Variants in TRIM48 observed in about 807,000 individuals in gnomAD.
TRIM48 encodes tripartite motif containing 48, also known as E3 ubiquitin-protein ligase TRIM48.
Under a neutral mutation model 29.5 loss-of-function variants are expected in TRIM48, and 31 were observed. The observed-to-expected ratio is 1.05, with a 90% confidence interval of 0.79 to 1.42. The LOEUF (loss-of-function observed/expected upper bound fraction) is 1.42, where lower values mean the gene tolerates loss of function less well. TRIM48 is among the 40% of genes most tolerant of loss of function. The pLI, the probability that TRIM48 is intolerant of heterozygous loss-of-function variation, is 0.00. For synonymous variants in TRIM48, 128 were observed against 90.6 expected (o/e 1.41, Z -2.34); for missense variants, 344 against 265.0 (o/e 1.30, Z -2.07).
In TRIM48 at chr11:55,266,827, G is replaced by A. The variant is rs1226991877; in HGVS notation, c.555+1132G>A. Among the ~76,000 whole-genome samples, 2 of 147,448 alleles carry A rather than the reference G, an allele frequency of 1.4e-5. 1 individual carries two copies. The highest frequency in any genetic ancestry group is 5.0e-5 in the African/African-American group (2 of 40,284). Reference sequence around the variant, plus strand: ...CAGCATATGCAGTAATTTTGAGTTTGTGTATATTTGGAGGCCTGGGGAACC... The same window carrying A: ...CAGCATATGCAGTAATTTTGAGTTTATGTATATTTGGAGGCCTGGGGAACC... On this transcript the variant is annotated intron_variant, in intron 3 of 5. Coordinates refer to ENST00000417545, the MANE Select transcript of TRIM48 (RefSeq NM_024114.5).
In TRIM48 at chr11:55,269,329, C is replaced by G. The variant is rs148097625; in HGVS notation, c.666C>G (p.Asn222Lys). 5.7e-6 allele frequency: 9 copies of G among 1,575,022 alleles called. No individual in the cohort carries two copies. Among genetic ancestry groups the G allele is most frequent in the Middle Eastern group, 2.3e-4 (1 of 4,360 alleles). ...GPITGLRDRL[N>K]QF ...TCACTGGACTGAGGGACAGGCTCAA[C>G]CAATTCTGAGGTAAGTCTCCACCCA... The change falls in exon 5 of 6, where the codon AAC becomes AAG. Residue 222 changes from asparagine to lysine, a missense_variant. By Grantham distance (94) the Asn-to-Lys change is moderately conservative. Coordinates refer to ENST00000417545, the MANE Select transcript of TRIM48 (RefSeq NM_024114.5).
At chr11:55,262,859 T>C (rs1857325476) in intron 1 of TRIM48, among the ~76,000 whole-genome samples, 1 of 152,134 alleles carries the variant, frequency 6.6e-6, no homozygotes, top group Non-Finnish European at 1.5e-5. Context: ...GCCATCTCAC[T>C]TGAGTTTTAA....
chr11:55,266,602 G>A lies in TRIM48; in HGVS notation c.555+907G>A, dbSNP rs1857396633. 1.4e-5 allele frequency among the ~76,000 whole-genome samples: 2 copies of A among 147,602 alleles called. 1 individual carries two copies. Among genetic ancestry groups the A allele is most frequent in the East Asian group, 4.3e-4 (2 of 4,598 alleles). On this transcript the variant is annotated intron_variant, in intron 3 of 5. Transcript: ENST00000417545. ...AATAATCAAGCAGGGAAGTAGAAAAGGACAATAGAGGCCAGAAACTGGAGA... is the reference window on the plus strand; with the variant it reads ...AATAATCAAGCAGGGAAGTAGAAAAAGACAATAGAGGCCAGAAACTGGAGA...
At chr11:55,265,852 T>G (rs1447541572) in intron 3 of TRIM48, among the ~76,000 whole-genome samples, 157 bp downstream of exon 3, 1 of 145,946 alleles carries the variant, frequency 6.9e-6, no homozygotes, top group Non-Finnish European at 1.5e-5. Context: ...TCATTTCTTA[T>G]GTAGAATAGT....
rs570531106 is a variant in TRIM48 at position 55,269,935 on chromosome 11, C to T, written c.*2-502C>T. 2.0e-5 allele frequency among the ~76,000 whole-genome samples: 3 copies of T among 147,672 alleles called. No individual in the cohort carries two copies. In the South Asian group the frequency reaches 7.3e-4, roughly 36 times the overall value. ...TTCAGCCCCAAGCTAACATGGAGGG[C>T]CACAGAGAGACTGGTAAAAGATTTT... On this transcript the variant is annotated intron_variant, in intron 5 of 5. Coordinates refer to ENST00000417545, the MANE Select transcript of TRIM48 (RefSeq NM_024114.5).
At position 55,266,367 on chromosome 11, in the gene TRIM48, G is replaced by A. The variant is rs1235186693; in HGVS notation, c.555+672G>A. Among the ~76,000 whole-genome samples the A allele has an allele frequency of 1.4e-5, 2 of 146,926 alleles. 1 individual carries two copies. Among genetic ancestry groups the A allele is most frequent in the Non-Finnish European group, 3.0e-5 (2 of 66,752 alleles). On this transcript the variant is annotated intron_variant, in intron 3 of 5. Coordinates refer to ENST00000417545, the MANE Select transcript of TRIM48 (RefSeq NM_024114.5). Reference sequence around the variant, plus strand: ...CCTCTTTGTGGATGTATACTCTGAGGGTATGATAGCTAATATTAGTGTGTT... The same window carrying A: ...CCTCTTTGTGGATGTATACTCTGAGAGTATGATAGCTAATATTAGTGTGTT...
chr11:55,263,591 G>A (rs1402391476), intron 1 of TRIM48, among the ~76,000 whole-genome samples: 2 of 152,140 alleles, frequency 1.3e-5, no homozygotes, highest in South Asian at 2.1e-4. Context: ...TGACCCAGGA[G>A]GTGGAGGTTG....
rs760624238 is a variant in TRIM48, at chr11:55,265,141, G to T, written c.286G>T (p.Ala96Ser). The change falls in exon 2 of 6, where the codon GCC becomes TCC. Residue 96 changes from alanine to serine, a missense_variant. Ala to Ser is a moderately conservative substitution (Grantham distance 99). Coordinates refer to ENST00000417545, the MANE Select transcript of TRIM48 (RefSeq NM_024114.5). ...GAAGATGGCTTCCCTTGCCAGAAAA[G>T]CCAGTCTCTGGCTATTCCTGAGCTC... is the stretch of plus-strand genomic sequence containing the variant. ...LKKMASLARK[A>S]SLWLFLSSEE... is the part of the protein sequence containing the mutation. The T allele has an allele frequency of 5.1e-6, 8 of 1,582,776 alleles. 1 individual carries two copies. The highest frequency in any genetic ancestry group is 6.9e-6 in the Non-Finnish European group (8 of 1,166,190).
At chr11:55,269,876 T>C (rs1565079668) in intron 5 of TRIM48, among the ~76,000 whole-genome samples, 5 of 147,950 alleles carry the variant, frequency 3.4e-5, no homozygotes, top group Admixed American at 6.9e-5. Flanking sequence ...TTAATTGCAA[T>C]ATGAAAAGCT....
At chr11:55,263,860 AG>A (rs1346170625) in intron 1 of TRIM48, among the ~76,000 whole-genome samples, 1 of 152,176 alleles carries the variant, frequency 6.6e-6, no homozygotes, top group Non-Finnish European at 1.5e-5. Flanking sequence ...CAAGGCTGAA[AG>A]CCTCAGAACC....
At chr11:55,266,991 T>A (rs1283708220) in intron 3 of TRIM48, among the ~76,000 whole-genome samples, 1 of 147,820 alleles carries the variant, frequency 6.8e-6, no homozygotes, top group African/African-American at 2.5e-5. Context: ...TAGCTGGACA[T>A]GTTAGTCTAA....
Position 55,269,230 on chromosome 11 carries a change from T to G in TRIM48, c.579-12T>G, listed in dbSNP as rs543723409. The G allele has an allele frequency of 6.4e-7, 1 of 1,572,190 alleles. No individual in the cohort carries two copies. The highest frequency in any genetic ancestry group is 1.2e-5 in the South Asian group (1 of 83,580). ...GGCTGTAGATGTTGTAACTGCAGGTTTTTCCTTGCAGGAGTGAGTCCGTGC... is the reference window on the plus strand; with the variant it reads ...GGCTGTAGATGTTGTAACTGCAGGTGTTTCCTTGCAGGAGTGAGTCCGTGC... On this transcript the variant is annotated splice_polypyrimidine_tract_variant and intron_variant, in intron 4 of 5. Coordinates refer to ENST00000417545, the MANE Select transcript of TRIM48 (RefSeq NM_024114.5).
chr11:55,269,401 T>C, intron 5 of TRIM48, 62 bp downstream of exon 5: 1 of 1,529,904 alleles, frequency 6.5e-7, no homozygotes, highest in African/African-American at 1.4e-5. Context: ...TAGGATCACA[T>C]AGGTAATATT....
rs184175151 is a variant in TRIM48 at position 55,265,389 on chromosome 11, G to A, written c.459+75G>A. The A allele has an allele frequency of 3.6e-5, 57 of 1,566,118 alleles. 8 individuals are homozygous for A. The South Asian group carries it at 6.4e-4, about 18-fold the overall frequency. The stretch of plus-strand genomic sequence containing the variant: ...CTGTGGCCCTATTTTCTTGGAGATT[G>A]GGTAAAGCCAACTCTGAGTCCCTTT... On this transcript the variant is annotated intron_variant, in intron 2 of 5. Transcript: ENST00000417545.
Position 55,266,970 on chromosome 11 carries a change from C to T in TRIM48, c.555+1275C>T, listed in dbSNP as rs146812057. 6.8e-3 allele frequency among the ~76,000 whole-genome samples: 1,009 copies of T among 147,384 alleles called. 82 individuals carry two copies. The highest frequency in any genetic ancestry group is 0.022 in the African/African-American group (889 of 40,388). On this transcript the variant is annotated intron_variant, in intron 3 of 5. Transcript: ENST00000417545. ...CTTTATTAGGATAGGTTTTGCTGGG[C>T]GAAATGCATTTAGCTGGACATGTTA...
chr11:55,265,447 A>G lies in TRIM48; in HGVS notation c.459+133A>G, dbSNP rs1474547881. 2.0e-5 allele frequency: 30 copies of G among 1,493,294 alleles called. 3 individuals carry two copies. The highest frequency in any genetic ancestry group is 8.2e-5 in the Admixed American group (4 of 48,732). 92.5% of individuals were successfully genotyped at this position (1,493,294 alleles called of 1,614,324 possible). On this transcript the variant is annotated intron_variant, in intron 2 of 5. Coordinates refer to ENST00000417545, the MANE Select transcript of TRIM48 (RefSeq NM_024114.5). Reference sequence around the variant, plus strand: ...TCTCTTTTGGGCTTTCTTAGCTTCAAACCTCTGAGATTTGACGAGGAAGAA... The same window carrying G: ...TCTCTTTTGGGCTTTCTTAGCTTCAGACCTCTGAGATTTGACGAGGAAGAA...
chr11:55,263,021 ATAGTTTATATAT>A (rs1031494735), intron 1 of TRIM48, among the ~76,000 whole-genome samples: 4 of 152,158 alleles, frequency 2.6e-5, no homozygotes. Context: ...GCCAAAGACC[ATAGTTTATATAT>A]TAGTCAGGGC....
rs1271298634 is a variant in TRIM48 at position 55,271,044 on chromosome 11, C to A, written c.*609C>A. 1.5e-6 allele frequency: 2 copies of A among 1,363,494 alleles called. No individual in the cohort carries two copies. The highest frequency in any genetic ancestry group is 2.0e-6 in the Non-Finnish European group (2 of 1,005,492). 84.5% of individuals were successfully genotyped at this position (1,363,494 alleles called of 1,614,324 possible). On this transcript the variant is annotated 3_prime_UTR_variant, in exon 6 of 6. Transcript: ENST00000417545. ...AGGACAAATAGGTTCGGTTTTATGT[C>A]TTGAATTGCATTCTAATGTTATTAA...
Position 55,265,009 on chromosome 11 carries a change from A to C in TRIM48, c.154A>C (p.Arg52=). The change falls in exon 2 of 6, where the codon AGG becomes CGG. Residue 52 remains arginine (R), a synonymous_variant. Transcript: ENST00000417545. ...VTIDCGHSFC[R]PCFYLNWQDI... ...CATAGACTGTGGGCACAGCTTTTGCAGGCCCTGTTTCTACCTCAACTGGCA... is the reference window on the plus strand; with the variant it reads ...CATAGACTGTGGGCACAGCTTTTGCCGGCCCTGTTTCTACCTCAACTGGCA... 1 of 1,584,736 alleles carries C rather than the reference A, an allele frequency of 6.3e-7. No homozygotes were observed. The highest frequency in any genetic ancestry group is 8.6e-7 in the Non-Finnish European group (1 of 1,166,458).
Sources: allele counts gnomAD v4.1 joint callset (sites outside exome capture counted in the v4.1 genomes callset), GRCh38; gene constraint gnomAD v4.1.1; transcripts MANE v1.5; gene names NCBI Gene and HGNC (gene_info 2026-07-23, HGNC 2026-07-21).